The following TTC12 variants were observed in gnomAD, a reference collection of about 807,000 sequenced individuals.
TTC12 encodes the protein tetratricopeptide repeat domain 12, also known as tetratricopeptide repeat protein 12.
Under a neutral mutation model 90.1 loss-of-function variants are expected in TTC12, and 70 were observed. The observed-to-expected ratio is 0.78, with a 90% CI of 0.64 to 0.95. The LOEUF is 0.95. Ranked by LOEUF, TTC12 falls within the 40% of genes least tolerant of loss-of-function variation. The pLI, the probability that TTC12 is intolerant of heterozygous loss-of-function variation, is 0.00. For missense variants in TTC12, 819 were observed against 846.1 expected, an observed-to-expected ratio of 0.97 and a Z score of 0.40; for synonymous variants, 296 against 311.5, an observed-to-expected ratio of 0.95 and a Z score of 0.53.
At chr11:113,366,107 C>T (rs1950191510) in intron 21 of TTC12, 118 bp from the exon 22 acceptor site, 3 of 1,101,344 alleles carry the variant, frequency 2.7e-6, no homozygotes, top group Non-Finnish European at 1.3e-6. Flanking sequence ...CTGTTTCCAC[C>T]CAGAGTGATA....
intron 7 of TTC12, among the ~76,000 whole-genome samples, chr11:113,334,431 T>C (rs1555143394): frequency 6.8e-6 from 1 of 147,980 alleles, no homozygotes; most frequent in East Asian, 1.9e-4. Flanking sequence ...TGTGGTTTAT[T>C]TGGGAGGAGG....
chr11:113,344,530 G>T (rs1948846025), intron 13 of TTC12, 90 bp downstream of exon 13: 7 of 1,333,384 alleles, frequency 5.2e-6, no homozygotes, highest in South Asian at 4.1e-5. Context: ...TATCTCTGTT[G>T]TGTGACTTGA....
chr11:113,363,851 T>G lies in TTC12; in HGVS notation c.1740T>G (p.Arg580=), dbSNP rs758228234. The change falls in exon 20 of 22, where the codon CGT becomes CGG. Residue 580 remains arginine (R), a synonymous_variant. Coordinates refer to ENST00000529221, the MANE Select transcript of TTC12 (RefSeq NM_017868.4). ...FLKTGGETAS[R]YAIKILAICT... The stretch of plus-strand genomic sequence containing the variant: ...AGACAGGAGGTGAGACTGCATCACG[T>G]TATGCTATAAAGATACTAGCTATCT... The G allele has an allele frequency of 6.2e-7, 1 of 1,612,834 alleles. No homozygotes were observed. The highest frequency in any genetic ancestry group is 8.5e-7 in the Non-Finnish European group (1 of 1,178,918).
chr11:113,334,828 A>G, intron 7 of TTC12, 138 bp from the exon 8 acceptor site: 1 of 612,076 alleles, frequency 1.6e-6, no homozygotes, highest in South Asian at 2.4e-5. Flanking sequence ...TCACAAATGC[A>G]TAAAAAAGTT....
In TTC12 at chr11:113,363,883, A is replaced by G. The variant is rs372589143; in HGVS notation, c.1772A>G (p.Asn591Ser). The change falls in exon 20 of 22, where the codon AAT (asparagine) becomes AGT (serine). Residue 591 changes from asparagine to serine, a missense_variant. Coordinates refer to ENST00000529221, the MANE Select transcript of TTC12 (RefSeq NM_017868.4). ...ATAAAGATACTAGCTATCTGCACGA[A>G]TAGTTATCATGAAGCTCGGGAAGAA... Reference protein sequence around the residue: ...YAIKILAICTNSYHEAREEVI... With the variant: ...YAIKILAICTSSYHEAREEVI... 1.3e-5 allele frequency: 21 copies of G among 1,613,854 alleles called. No individual in the cohort carries two copies. Among genetic ancestry groups the G allele is most frequent in the Admixed American group, 3.3e-5 (2 of 60,008 alleles).
chr11:113,360,021 C>T lies in TTC12; in HGVS notation c.1614+13C>T, dbSNP rs1469503891. 5.3e-6 allele frequency: 8 copies of T among 1,515,726 alleles called. No homozygotes were observed. The highest frequency in any genetic ancestry group is 1.9e-5 in the Admixed American group (1 of 52,526). The allele number at this position is 1,515,726 out of a possible 1,614,324, so 93.9% of individuals were successfully genotyped here. Reference sequence around the variant, plus strand: ...AGGAATCCTGACAGTAAGTTTCTCCCAGGGAAATCCAGAAGCAGCTTCCAT... The same window carrying T: ...AGGAATCCTGACAGTAAGTTTCTCCTAGGGAAATCCAGAAGCAGCTTCCAT... On this transcript the variant is annotated intron_variant, in intron 18 of 21. Coordinates refer to ENST00000529221, the MANE Select transcript of TTC12 (RefSeq NM_017868.4).
chr11:113,368,220 A>G, downstream of TTC12: 3 of 1,501,620 alleles, frequency 2.0e-6, no homozygotes, highest in Non-Finnish European at 2.7e-6. Flanking sequence ...TCCAATTTGG[A>G]AGAGAGTCTG....
chr11:113,321,222 A>G (rs1448350291), intron 2 of TTC12, among the ~76,000 whole-genome samples: 4 of 152,316 alleles, frequency 2.6e-5, no homozygotes, highest in Middle Eastern at 3.4e-3. Context: ...ATTGACAACA[A>G]TTAAAAAGTT....
chr11:113,344,438 C>T lies in TTC12; in HGVS notation c.1152C>T (p.Thr384=), dbSNP rs1555147415. Residue 384 remains threonine (T), a splice_region_variant and synonymous_variant, in exon 13 of 22, where the codon ACC becomes ACT. Coordinates refer to ENST00000529221, the MANE Select transcript of TTC12 (RefSeq NM_017868.4). ...TGATCATCAACCACCTTGACCTGAC[C>T]AGGTAAGCCTCTGCTGGCAGGATCT... ...RSLIINHLDL[T]RLLEALVSFL... is the part of the protein sequence containing the mutation. 4 of 1,611,092 alleles carry T rather than the reference C, an allele frequency of 2.5e-6. No homozygotes were observed. Among genetic ancestry groups the T allele is most frequent in the Non-Finnish European group, 3.4e-6 (4 of 1,178,004 alleles).
At chr11:113,344,160 T>A (rs547652528) in intron 12 of TTC12, 112 bp from the exon 13 acceptor site, 16 of 1,201,286 alleles carry the variant, frequency 1.3e-5, no homozygotes, top group Admixed American at 6.5e-5. Flanking sequence ...TTCATTATTC[T>A]GCCTTCAAAT....
At chr11:113,327,400 G>A (rs1381551460) in intron 6 of TTC12, among the ~76,000 whole-genome samples, 1 of 149,664 alleles carries the variant, frequency 6.7e-6, no homozygotes, top group Non-Finnish European at 1.5e-5. Flanking sequence ...TGCATGCAGT[G>A]TCAGAAAACA....
chr11:113,325,388 A>C, intron 5 of TTC12, 136 bp from the exon 6 acceptor site: 1 of 1,003,404 alleles, frequency 1.0e-6, no homozygotes. Flanking sequence ...TCTGCAGAAA[A>C]AAACAAGTGT....
chr11:113,351,413 A>G (rs1444351192), intron 15 of TTC12, 114 bp downstream of exon 15: 14 of 859,948 alleles, frequency 1.6e-5, no homozygotes. Flanking sequence ...TTGATTAGTC[A>G]TTTATTCACA....
rs143166942 is a variant in TTC12 at position 113,355,276 on chromosome 11, T to G, written c.1446+3069T>G. 7.1e-3 allele frequency among the ~76,000 whole-genome samples: 1,075 copies of G among 152,316 alleles called. 10 individuals carry two copies. The highest frequency in any genetic ancestry group is 0.024 in the African/African-American group (999 of 41,570). On this transcript the variant is annotated intron_variant, in intron 16 of 21. Coordinates refer to ENST00000529221, the MANE Select transcript of TTC12 (RefSeq NM_017868.4). Reference sequence around the variant, plus strand: ...TGTTCATAATATTCTCTGATGGTTGTTTGTATTTCTGTGGGGTCAGTGGTG... The same window carrying G: ...TGTTCATAATATTCTCTGATGGTTGGTTGTATTTCTGTGGGGTCAGTGGTG...
chr11:113,352,873 T>C (rs992588142), intron 16 of TTC12, among the ~76,000 whole-genome samples: 1 of 152,380 alleles, frequency 6.6e-6, no homozygotes, highest in South Asian at 2.1e-4. Flanking sequence ...TTTAGGTTGA[T>C]TCCATGTCTT....
In TTC12 at chr11:113,350,076, A is replaced by T; in HGVS notation, c.1158A>T (p.Leu386Phe). Residue 386 changes from leucine to phenylalanine, a missense_variant, in exon 14 of 22, where the codon TTA becomes TTT. By Grantham distance (22) the Leu-to-Phe change is conservative. Coordinates refer to ENST00000529221, the MANE Select transcript of TTC12 (RefSeq NM_017868.4). ...AGGTTATTATGGTTTTTTGCAGATT[A>T]TTGGAAGCGCTGGTGTCATTTCTTG... Reference protein sequence around the residue: ...LIINHLDLTRLLEALVSFLDF... With the variant: ...LIINHLDLTRFLEALVSFLDF... 1 of 1,613,144 alleles carries T rather than the reference A, an allele frequency of 6.2e-7. No homozygotes were observed. Among genetic ancestry groups the T allele is most frequent in the Non-Finnish European group, 8.5e-7 (1 of 1,179,172 alleles).
At chr11:113,354,387 C>T (rs993286628) in intron 16 of TTC12, among the ~76,000 whole-genome samples, 1 of 152,174 alleles carries the variant, frequency 6.6e-6, no homozygotes, top group Non-Finnish European at 1.5e-5. Flanking sequence ...TTTCTAGATA[C>T]AGGATCATGT....
At chr11:113,338,871 C>T in intron 9 of TTC12, 37 bp downstream of exon 9, 1 of 1,583,744 alleles carries the variant, frequency 6.3e-7, no homozygotes, top group Non-Finnish European at 8.7e-7. Context: ...CATCTGAACT[C>T]CACCTCCCTC....
intron 18 of TTC12, among the ~76,000 whole-genome samples, chr11:113,361,995 A>G (rs900471200): frequency 6.6e-6 from 1 of 152,108 alleles, no homozygotes; most frequent in Non-Finnish European, 1.5e-5. Context: ...AAATAAAGTA[A>G]ATGAACTATC....
Sources: allele counts gnomAD v4.1 joint callset (sites outside exome capture counted in the v4.1 genomes callset), GRCh38; gene constraint gnomAD v4.1.1; transcripts MANE v1.5; gene names NCBI Gene and HGNC (gene_info 2026-07-23, HGNC 2026-07-21).